Variants in HSPA12A observed in about 807,000 individuals in gnomAD.
The protein encoded by HSPA12A is heat shock protein family A (Hsp70) member 12A.
A neutral mutation model predicts 69.2 loss-of-function variants in HSPA12A; 28 were observed. The observed-to-expected ratio is 0.40, with a 90% CI of 0.30 to 0.55. The LOEUF is 0.55. HSPA12A is among the 20% of genes least tolerant of loss of function. The pLI is 0.38. For missense variants in HSPA12A, 686 were observed against 900.7 expected, an observed-to-expected ratio of 0.76 and a Z score of 3.05; for synonymous variants, 345 against 370.5, an observed-to-expected ratio of 0.93 and a Z score of 0.79.
chr10:116,806,753 A>G (rs1845077071), intron 2 of HSPA12A, among the ~76,000 whole-genome samples: 2 of 152,166 alleles, frequency 1.3e-5, no homozygotes, highest in South Asian at 4.1e-4. Context: ...TCCCATCTCA[A>G]CACATCAGGG....
chr10:116,805,226 G>A (rs1681741), intron 2 of HSPA12A, among the ~76,000 whole-genome samples: 48,875 of 151,748 alleles, frequency 0.32, 8,529 homozygotes, highest in Non-Finnish European at 0.4. Context: ...TGAGGCAGGA[G>A]AATGGCGTGA....
At chr10:116,805,033 T>C (rs969761466) in intron 2 of HSPA12A, among the ~76,000 whole-genome samples, 1 of 152,168 alleles carries the variant, frequency 6.6e-6, no homozygotes, top group Non-Finnish European at 1.5e-5. Flanking sequence ...GCAGGGAATG[T>C]TGGACGGGCG....
intron 4 of HSPA12A, among the ~76,000 whole-genome samples, chr10:116,700,027 C>CT (rs1198900975): frequency 1.3e-5 from 2 of 152,214 alleles, no homozygotes; most frequent in Non-Finnish European, 2.9e-5. Flanking sequence ...AGGCATGGCT[C>CT]TAAGAGCTTT....
At chr10:116,739,453 G>C in intron 1 of HSPA12A, among the ~76,000 whole-genome samples, 1 of 152,132 alleles carries the variant, frequency 6.6e-6, no homozygotes, top group South Asian at 2.1e-4. Context: ...GCCAGGCCTC[G>C]AGAGATACCC....
intron 2 of HSPA12A, among the ~76,000 whole-genome samples, chr10:116,759,687 C>T (rs1163445507): frequency 6.6e-6 from 1 of 152,126 alleles, no homozygotes; most frequent in African/African-American, 2.4e-5. Flanking sequence ...GACATCTCCT[C>T]AGGTGGAATT....
chr10:116,835,715 C>T (rs1480833452), intron 1 of HSPA12A, among the ~76,000 whole-genome samples: 1 of 152,178 alleles, frequency 6.6e-6, no homozygotes, highest in South Asian at 2.1e-4. Flanking sequence ...AGTAGATGCA[C>T]AATACATGTT....
Position 116,681,153 on chromosome 10 carries a change from T to C in HSPA12A, c.1026A>G (p.Thr342=). 1 of 1,610,508 alleles carries C rather than the reference T, an allele frequency of 6.2e-7. No homozygotes were observed. Among genetic ancestry groups the C allele is most frequent in the Non-Finnish European group, 8.5e-7 (1 of 1,176,660 alleles). The part of the protein sequence containing the change: ...EGHLKELYKA[T]GGPYGSLGVD... ...AAAATTAGCCCTGCAGGGCCTCACC[T>C]GTTGCTTTATACAGTTCCTTAAGGT... The change falls in exon 9 of 12, where the codon ACA becomes ACG. Residue 342 remains threonine (T), a splice_region_variant and synonymous_variant. Transcript: ENST00000369209.
Position 116,701,111 on chromosome 10 carries a change from G to A in HSPA12A, c.273C>T (p.Asp91=). The change falls in exon 4 of 12, where the codon GAC becomes GAT. Residue 91 remains aspartate, a synonymous_variant. Coordinates refer to ENST00000369209, the MANE Select transcript of HSPA12A (RefSeq NM_025015.3). ...IHVMRRWEGG[D]PGVSNQKTPT... The stretch of plus-strand genomic sequence containing the variant: ...GAGTCTTCTGATTGGACACACCAGG[G>A]TCACCTCCCTCCCATCGCCTGCCAC... 1.2e-6 allele frequency: 2 copies of A among 1,613,940 alleles called. No individual in the cohort carries two copies. Among genetic ancestry groups the A allele is most frequent in the South Asian group, 1.1e-5 (1 of 91,074 alleles).
chr10:116,840,419 T>G (rs1051595927), intron 1 of HSPA12A, among the ~76,000 whole-genome samples: 1 of 152,218 alleles, frequency 6.6e-6, no homozygotes, highest in Admixed American at 6.5e-5. Flanking sequence ...ATAAAAGTTA[T>G]AGTCCTTTGT....
intron 2 of HSPA12A, among the ~76,000 whole-genome samples, chr10:116,806,462 C>T (rs993315438): frequency 6.6e-6 from 1 of 152,186 alleles, no homozygotes; most frequent in African/African-American, 2.4e-5. Context: ...CCACCTCGGC[C>T]TCCCAAAGTG....
rs781827668 is a variant in HSPA12A, at chr10:116,681,239, C to G, written c.940G>C (p.Val314Leu). The stretch of plus-strand genomic sequence containing the variant: ...TCTACGGTGCCACCGCCACTGTCCA[C>G]AACCACATACTTATCACCTGGCACA... Reference protein sequence around the residue: ...ELEEGDKYVVVDSGGGTVDLT... With the variant: ...ELEEGDKYVVLDSGGGTVDLT... Residue 314 changes from valine to leucine, a missense_variant, in exon 9 of 12, where the codon GTG (valine) becomes CTG (leucine). Coordinates refer to ENST00000369209, the MANE Select transcript of HSPA12A (RefSeq NM_025015.3). 1 of 1,614,082 alleles carries G rather than the reference C, an allele frequency of 6.2e-7. No homozygotes were observed. The highest frequency in any genetic ancestry group is 8.5e-7 in the Non-Finnish European group (1 of 1,179,948).
chr10:116,809,541 C>A (rs924813702), intron 2 of HSPA12A, among the ~76,000 whole-genome samples: 3 of 152,196 alleles, frequency 2.0e-5, no homozygotes, highest in African/African-American at 7.2e-5. Context: ...AATGAGTAGC[C>A]CATGGCCTGG....
intron 11 of HSPA12A, 32 bp downstream of exon 11, chr10:116,676,367 T>G (rs1849234230): frequency 1.9e-6 from 3 of 1,559,024 alleles, no homozygotes; most frequent in Non-Finnish European, 2.7e-6. Flanking sequence ...CAGCTCTGCC[T>G]CGCCGAGTGG....
At chr10:116,834,851 T>TA in intron 2 of HSPA12A, 1 of 699,942 alleles carries the variant, frequency 1.4e-6, no homozygotes, top group Non-Finnish European at 2.0e-6. Context: ...TAAACATACC[T>TA]AGTCCCTCTC....
chr10:116,703,630 G>A (rs1850144662), intron 3 of HSPA12A, among the ~76,000 whole-genome samples: 2 of 152,200 alleles, frequency 1.3e-5, no homozygotes, highest in South Asian at 4.1e-4. Context: ...AAACTGCAAA[G>A]CCAATTACAA....
chr10:116,715,783 A>G (rs1343085453), intron 1 of HSPA12A, among the ~76,000 whole-genome samples: 1 of 152,182 alleles, frequency 6.6e-6, no homozygotes, highest in African/African-American at 2.4e-5. Flanking sequence ...TGCTCCACAC[A>G]TATTTGGCAA....
intron 2 of HSPA12A, among the ~76,000 whole-genome samples, chr10:116,788,967 G>T (rs892434825): frequency 8.6e-5 from 13 of 150,868 alleles, no homozygotes; most frequent in Non-Finnish European, 1.6e-4. Flanking sequence ...CCGGGTTCAA[G>T]CAGTTCTCCC....
intron 2 of HSPA12A, among the ~76,000 whole-genome samples, chr10:116,814,823 G>A (rs930117961): frequency 4.6e-5 from 7 of 152,090 alleles, no homozygotes; most frequent in African/African-American, 1.7e-4. Context: ...TACCTCTCCT[G>A]TTCTGTATGA....
At chr10:116,836,269 T>C (rs902203972) in intron 1 of HSPA12A, among the ~76,000 whole-genome samples, 5 of 152,098 alleles carry the variant, frequency 3.3e-5, no homozygotes, top group African/African-American at 9.7e-5. Flanking sequence ...TGCCTCCTAC[T>C]GTGGCCACAA....
Sources: allele counts gnomAD v4.1 joint callset (sites outside exome capture counted in the v4.1 genomes callset), GRCh38; gene constraint gnomAD v4.1.1; transcripts MANE v1.5; gene names NCBI Gene and HGNC (gene_info 2026-07-23, HGNC 2026-07-21).